Variants in NDUFA10 observed in about 807,000 individuals in gnomAD.
NDUFA10 encodes NADH:ubiquinone oxidoreductase subunit A10, also known as NADH dehydrogenase [ubiquinone] 1 alpha subcomplex subunit 10, mitochondrial.
A neutral mutation model predicts 47.8 loss-of-function variants in NDUFA10; 40 were observed. The ratio of observed to expected loss-of-function variants is 0.84; its 90% confidence interval spans 0.65 to 1.09. The LOEUF is 1.09. NDUFA10 is among the 50% of genes least tolerant of loss of function. NDUFA10 has a pLI of 0.00. For missense variants in NDUFA10, 413 were observed against 451.1 expected (o/e 0.92, Z 0.76); for synonymous variants, 183 against 172.2 (o/e 1.06, Z -0.49).
At chr2:239,999,567 G>A (rs940949138) in intron 8 of NDUFA10, among the ~76,000 whole-genome samples, 4 of 152,140 alleles carry the variant, frequency 2.6e-5, no homozygotes, top group Non-Finnish European at 5.9e-5. Context: ...CAGTGCCCCC[G>A]CCCTCAACTG....
chr2:240,000,848 C>A (rs961542035), intron 8 of NDUFA10, among the ~76,000 whole-genome samples: 1 of 152,268 alleles, frequency 6.6e-6, no homozygotes, highest in Non-Finnish European at 1.5e-5. Context: ...CAGGCTCCAC[C>A]ACACCACCTA....
intron 4 of NDUFA10, among the ~76,000 whole-genome samples, chr2:239,900,029 G>A (rs1007376037): frequency 6.6e-6 from 1 of 151,936 alleles, no homozygotes; most frequent in Admixed American, 6.6e-5. Flanking sequence ...GAAGAAAGTG[G>A]AATGAGCAGA....
At chr2:239,982,388 A>T (rs1239382335) in intron 9 of NDUFA10, among the ~76,000 whole-genome samples, 1 of 152,250 alleles carries the variant, frequency 6.6e-6, no homozygotes, top group African/African-American at 2.4e-5. Context: ...GTGTAATTAT[A>T]GAAAACAGCA....
chr2:239,944,490 C>T (rs1178358058), intron 4 of NDUFA10, among the ~76,000 whole-genome samples: 1 of 152,182 alleles, frequency 6.6e-6, no homozygotes, highest in East Asian at 1.9e-4. Context: ...GAGCTCATGG[C>T]GGGAAATGAT....
chr2:239,941,340 G>A (rs1694357120), intron 4 of NDUFA10, among the ~76,000 whole-genome samples: 1 of 152,180 alleles, frequency 6.6e-6, no homozygotes, highest in South Asian at 2.1e-4. Context: ...AACAGGGACA[G>A]ACACTTCCCA....
downstream of NDUFA10, among the ~76,000 whole-genome samples, chr2:239,955,636 T>C (rs910397701): frequency 1.3e-5 from 2 of 152,108 alleles, no homozygotes; most frequent in African/African-American, 4.8e-5. Context: ...GTGGCCTCTG[T>C]GTGTGGGTTG....
chr2:240,016,280 A>G lies in NDUFA10; in HGVS notation c.548-1420T>C, dbSNP rs973356722. On this transcript the variant is annotated intron_variant, in intron 4 of 9. Coordinates refer to ENST00000252711, the MANE Select transcript of NDUFA10 (RefSeq NM_004544.4). The surrounding 1 kb of genome is among the most constrained non-coding windows in gnomAD (Gnocchi z 4.4). The stretch of plus-strand genomic sequence containing the variant: ...CCCGCAGCCAGGCAGAGCACACGGG[A>G]CCTCGGGTCTGCTTCCTGACTGCTG... 2.6e-5 allele frequency among the ~76,000 whole-genome samples: 4 copies of G among 152,138 alleles called. No homozygotes were observed. The highest frequency in any genetic ancestry group is 2.6e-4 in the Admixed American group (4 of 15,296).
At chr2:239,904,298 T>C (rs1251592618) in intron 4 of NDUFA10, among the ~76,000 whole-genome samples, 1 of 152,192 alleles carries the variant, frequency 6.6e-6, no homozygotes, top group Admixed American at 6.5e-5. Context: ...TATTTATTTA[T>C]TCGTTATACA....
chr2:239,977,027 G>A (rs1458385542), intron 9 of NDUFA10, among the ~76,000 whole-genome samples: 1 of 152,096 alleles, frequency 6.6e-6, no homozygotes, highest in African/African-American at 2.4e-5. Context: ...CCCAGACTCA[G>A]GTCTTGGTGC....
intron 4 of NDUFA10, chr2:240,017,847 A>C (rs572487475): frequency 2.2e-5 from 35 of 1,569,830 alleles, no homozygotes; most frequent in African/African-American, 1.8e-4. Context: ...TTCATTAATC[A>C]ACAGTACTTC....
downstream of NDUFA10, among the ~76,000 whole-genome samples, chr2:239,956,717 G>A (rs893977657): frequency 6.6e-6 from 1 of 152,214 alleles, no homozygotes; most frequent in Non-Finnish European, 1.5e-5. Context: ...GACAAGCAGG[G>A]GAGAGTGTGG....
In NDUFA10 at chr2:240,016,272, C is replaced by T. The variant is rs1697342885; in HGVS notation, c.548-1412G>A. On this transcript the variant is annotated intron_variant, in intron 4 of 9. Coordinates refer to ENST00000252711, the MANE Select transcript of NDUFA10 (RefSeq NM_004544.4). The surrounding 1 kb of genome is among the most constrained non-coding windows in gnomAD (Gnocchi z 4.4). ...AACACAAACCCGCAGCCAGGCAGAGCACACGGGACCTCGGGTCTGCTTCCT... is the reference window on the plus strand; with the variant it reads ...AACACAAACCCGCAGCCAGGCAGAGTACACGGGACCTCGGGTCTGCTTCCT... Among the ~76,000 whole-genome samples, 2 of 152,164 alleles carry T rather than the reference C, an allele frequency of 1.3e-5. No homozygotes were observed. The highest frequency in any genetic ancestry group is 2.4e-5 in the African/African-American group (1 of 41,440).
At chr2:239,964,312 T>G (rs1231929095) in intron 9 of NDUFA10, among the ~76,000 whole-genome samples, 1 of 151,930 alleles carries the variant, frequency 6.6e-6, no homozygotes, top group African/African-American at 2.4e-5. Flanking sequence ...GCCACAGTAA[T>G]GTGGGGCCAG....
intron 4 of NDUFA10, among the ~76,000 whole-genome samples, chr2:239,896,408 C>T (rs1693397523): frequency 6.6e-6 from 1 of 152,210 alleles, no homozygotes; most frequent in African/African-American, 2.4e-5. Context: ...GCAGTACCCT[C>T]GTCTTAACTG....
At chr2:239,984,849 C>CT (rs1453401188) in intron 9 of NDUFA10, among the ~76,000 whole-genome samples, 1 of 152,242 alleles carries the variant, frequency 6.6e-6, no homozygotes, top group East Asian at 1.9e-4. Flanking sequence ...CCCGGCAGAG[C>CT]TTTCAGCAGC....
chr2:239,968,855 G>A (rs1327597534), intron 9 of NDUFA10, among the ~76,000 whole-genome samples: 1 of 152,154 alleles, frequency 6.6e-6, no homozygotes, highest in Non-Finnish European at 1.5e-5. Flanking sequence ...CAGAGCAGAG[G>A]GGCCTCTCGC....
intron 8 of NDUFA10, among the ~76,000 whole-genome samples, chr2:239,999,686 G>A (rs892347383): frequency 1.3e-5 from 2 of 152,312 alleles, no homozygotes; most frequent in South Asian, 4.1e-4. Flanking sequence ...TCTGTTCTCT[G>A]GTCAAATGTG....
intron 7 of NDUFA10, among the ~76,000 whole-genome samples, chr2:240,005,642 C>A (rs185514762): frequency 2.5e-4 from 38 of 152,324 alleles, no homozygotes; most frequent in Admixed American, 7.2e-4. Flanking sequence ...TAGACGTGAG[C>A]CACCATGGCT....
In NDUFA10 at chr2:239,957,559, A is replaced by G. The variant is rs1344248933; in HGVS notation, c.*3559T>C. 1 of 152,272 alleles carries G rather than the reference A, an allele frequency of 6.6e-6. No individual in the cohort carries two copies. The highest frequency in any genetic ancestry group is 1.9e-4 in the East Asian group (1 of 5,206). 9.4% of individuals were successfully genotyped at this position (152,272 alleles called of 1,614,324 possible). Reference sequence around the variant, plus strand: ...TAAATTAAGAATTTTAAAACTATACATCAATAGTAAAAGCGAATGAGCAAA... The same window carrying G: ...TAAATTAAGAATTTTAAAACTATACGTCAATAGTAAAAGCGAATGAGCAAA... On this transcript the variant is annotated 3_prime_UTR_variant, in exon 10 of 10. Transcript: ENST00000252711.
Sources: gnomAD v4.1 joint callset for allele counts (sites outside exome capture counted in the v4.1 genomes callset) on GRCh38, gnomAD v4.1.1 for gene constraint, Gnocchi (gnomAD v3.1) non-coding constraint, MANE v1.5 for transcripts, NCBI Gene and HGNC (gene_info 2026-07-23, HGNC 2026-07-21) for gene names.